The following RALGPS2 variants were observed in gnomAD, a reference collection of about 807,000 sequenced individuals.
RALGPS2 encodes ras-specific guanine nucleotide-releasing factor RalGPS2.
Under a neutral mutation model 86.8 loss-of-function variants are expected in RALGPS2, and 43 were observed. The observed-to-expected ratio is 0.50, with a 90% CI of 0.39 to 0.64. RALGPS2 has a LOEUF of 0.64. Ranked by LOEUF, RALGPS2 falls within the 30% of genes least tolerant of loss-of-function variation. The pLI, the probability that RALGPS2 is intolerant of heterozygous loss-of-function variation, is 0.00. For synonymous variants in RALGPS2, 243 were observed against 231.3 expected, an observed-to-expected ratio of 1.05 and a Z score of -0.46; for missense variants, 536 against 694.6, an observed-to-expected ratio of 0.77 and a Z score of 2.57.
At chr1:178,761,465 G>A (rs866890733) in intron 1 of RALGPS2, among the ~76,000 whole-genome samples, 10 of 151,686 alleles carry the variant, frequency 6.6e-5, no homozygotes, top group East Asian at 3.9e-4. Flanking sequence ...TTATTTTTGC[G>A]TGACTGGGTT....
At chr1:178,824,769 A>G (rs998326063) in intron 7 of RALGPS2, among the ~76,000 whole-genome samples, 3 of 152,082 alleles carry the variant, frequency 2.0e-5, no homozygotes, top group South Asian at 2.1e-4. Context: ...AGATCGCGCT[A>G]CTGCACTCCA....
At position 178,910,170 on chromosome 1, in the gene RALGPS2, A is replaced by T. The variant is rs115775329; in HGVS notation, c.1722+3303A>T. Among the ~76,000 whole-genome samples the T allele has an allele frequency of 3.3e-3, 496 of 152,286 alleles. 5 individuals are homozygous for T. Among genetic ancestry groups the T allele is most frequent in the African/African-American group, 0.011 (444 of 41,564 alleles). On this transcript the variant is annotated intron_variant, in intron 19 of 19. Transcript: ENST00000367635. ...ATCTAGGAGCTTTGGGTCAGAGACT[A>T]TGGGGTTTTCTAGACATAACATCAT...
chr1:178,805,780 C>G (rs1271291350), intron 4 of RALGPS2, among the ~76,000 whole-genome samples: 1 of 152,100 alleles, frequency 6.6e-6, no homozygotes, highest in South Asian at 2.1e-4. Context: ...ACAGTTATAT[C>G]ACAATTTTGA....
chr1:178,865,483 C>T, intron 8 of RALGPS2: 1 of 1,614,100 alleles, frequency 6.2e-7, no homozygotes, highest in Non-Finnish European at 8.5e-7. Context: ...GAACATCTAT[C>T]TCCCGCTTCT....
chr1:178,809,626 G>A (rs1156622805), intron 5 of RALGPS2, among the ~76,000 whole-genome samples: 2 of 151,920 alleles, frequency 1.3e-5, no homozygotes, highest in African/African-American at 4.8e-5. Flanking sequence ...ACCATGTCTT[G>A]GTGTTGGTTA....
At chr1:178,818,883 CTGTTT>C (rs1196328250) in intron 6 of RALGPS2, among the ~76,000 whole-genome samples, 1 of 151,990 alleles carries the variant, frequency 6.6e-6, no homozygotes, top group East Asian at 1.9e-4. Context: ...TAAGTTTTAT[CTGTTT>C]TGTTTTCTTG....
rs186079157 is a variant in RALGPS2 at position 178,864,813 on chromosome 1, G to C, written c.608-12685G>C. The C allele has an allele frequency of 8.4e-4, 419 of 496,384 alleles. 3 individuals carry two copies. The highest frequency in any genetic ancestry group is 7.8e-3 in the African/African-American group (392 of 50,300). 30.7% of individuals were successfully genotyped at this position (496,384 alleles called of 1,614,324 possible). On this transcript the variant is annotated intron_variant, in intron 8 of 19. Coordinates refer to ENST00000367635, the MANE Select transcript of RALGPS2 (RefSeq NM_152663.5). ...GGAGATGTATTTAAGTTCAATTCTT[G>C]ATATTAATAAAAAACAATAGAAATT...
chr1:178,788,358 G>A (rs1293700465), intron 4 of RALGPS2, among the ~76,000 whole-genome samples: 2 of 152,190 alleles, frequency 1.3e-5, no homozygotes, highest in East Asian at 3.8e-4. Flanking sequence ...ATAGCAGTAA[G>A]CCAACACTAA....
At chr1:178,727,762 C>T (rs1650109507) in intron 1 of RALGPS2, among the ~76,000 whole-genome samples, 1 of 152,124 alleles carries the variant, frequency 6.6e-6, no homozygotes, top group Non-Finnish European at 1.5e-5. Flanking sequence ...TCATTCTGCA[C>T]ATGTGTATTG....
chr1:178,765,280 T>G (rs910783046), intron 1 of RALGPS2, among the ~76,000 whole-genome samples: 1 of 151,902 alleles, frequency 6.6e-6, no homozygotes, highest in Middle Eastern at 3.2e-3. Flanking sequence ...TCCCTAAATG[T>G]CGGCCAGTCT....
intron 8 of RALGPS2, among the ~76,000 whole-genome samples, chr1:178,840,446 A>T (rs12755792): frequency 5.9e-5 from 9 of 152,344 alleles, no homozygotes; most frequent in African/African-American, 2.2e-4. Flanking sequence ...CTGTTCTTTG[A>T]AACCAATGAG....
intron 13 of RALGPS2, among the ~76,000 whole-genome samples, 180 bp from the exon 14 acceptor site, chr1:178,889,462 A>G (rs1446765426): frequency 3.3e-5 from 5 of 152,050 alleles, no homozygotes; most frequent in Non-Finnish European, 7.4e-5. Flanking sequence ...GTATTCCAAT[A>G]TATTGCAAAA....
At chr1:178,835,177 C>T (rs1016318173) in intron 8 of RALGPS2, among the ~76,000 whole-genome samples, 5 of 152,160 alleles carry the variant, frequency 3.3e-5, no homozygotes, top group Non-Finnish European at 7.3e-5. Flanking sequence ...AATACCTTCA[C>T]AATTCAGAAG....
chr1:178,764,561 C>A (rs935287522), intron 1 of RALGPS2, among the ~76,000 whole-genome samples: 1 of 152,114 alleles, frequency 6.6e-6, no homozygotes, highest in Non-Finnish European at 1.5e-5. Flanking sequence ...GGGTTACTAG[C>A]CTGTGTACTT....
intron 1 of RALGPS2, among the ~76,000 whole-genome samples, chr1:178,754,083 A>G (rs1010333680): frequency 7.9e-5 from 12 of 151,552 alleles, no homozygotes; most frequent in African/African-American, 2.4e-4. Flanking sequence ...CGGCCTCCCA[A>G]AGTGCTGGGA....
intron 1 of RALGPS2, among the ~76,000 whole-genome samples, chr1:178,733,050 C>G (rs538624886): frequency 2.0e-5 from 3 of 151,896 alleles, no homozygotes; most frequent in Non-Finnish European, 2.9e-5. Context: ...TTTTTTTTCC[C>G]CCATTATCAG....
intron 1 of RALGPS2, among the ~76,000 whole-genome samples, chr1:178,730,311 CT>C (rs1353764771): frequency 6.6e-6 from 1 of 152,132 alleles, no homozygotes; most frequent in Non-Finnish European, 1.5e-5. Context: ...GTAGATGAGT[CT>C]ATGCTTTAGG....
At position 178,877,526 on chromosome 1, in the gene RALGPS2, C is replaced by T. The variant is rs752536581; in HGVS notation, c.636C>T (p.Ile212=). 70 of 1,613,242 alleles carry T rather than the reference C, an allele frequency of 4.3e-5. No individual in the cohort carries two copies. The highest frequency in any genetic ancestry group is 5.6e-5 in the Non-Finnish European group (66 of 1,179,562). The part of the protein sequence containing the change: ...LGIYLSDLTY[I]DSAYPSTGSI... The stretch of plus-strand genomic sequence containing the variant: ...TCTATTTGTCAGATTTAACATACAT[C>T]GATTCAGCATACCCATCAACTGGCA... The change falls in exon 9 of 20, where the codon ATC becomes ATT. Residue 212 remains isoleucine (I), a synonymous_variant. Coordinates refer to ENST00000367635, the MANE Select transcript of RALGPS2 (RefSeq NM_152663.5).
intron 4 of RALGPS2, among the ~76,000 whole-genome samples, chr1:178,800,928 C>CTTT (rs200726651): frequency 7.0e-6 from 1 of 142,558 alleles, no homozygotes; most frequent in Non-Finnish European, 1.5e-5. Flanking sequence ...TATTCCCAAT[C>CTTT]TTTTTTTTTT....
Sources: allele counts gnomAD v4.1 joint callset (sites outside exome capture counted in the v4.1 genomes callset), GRCh38; gene constraint gnomAD v4.1.1; transcripts MANE v1.5; gene names NCBI Gene and HGNC (gene_info 2026-07-23, HGNC 2026-07-21).